Variants in RHAG observed in about 807,000 individuals in gnomAD.
RHAG encodes the protein ammonium transporter Rh type A.
Under a neutral mutation model 42.4 loss-of-function variants are expected in RHAG, and 25 were observed. That is an observed-to-expected ratio of 0.59 (90% CI 0.43 to 0.82). The LOEUF is 0.82. Among genes scored for constraint, RHAG ranks in the 40% least tolerant of loss-of-function variants. The pLI is 0.00. For synonymous variants in RHAG, 182 were observed against 177.7 expected (o/e 1.02, Z -0.19); for missense variants, 483 against 504.6 (o/e 0.96, Z 0.41).
At chr6:49,630,254 C>G (rs901739374) in intron 1 of RHAG, among the ~76,000 whole-genome samples, 2 of 152,218 alleles carry the variant, frequency 1.3e-5, no homozygotes, top group African/African-American at 2.4e-5. Flanking sequence ...GCTCTGTGTG[C>G]TCATTTGTCA....
intron 1 of RHAG, among the ~76,000 whole-genome samples, chr6:49,626,332 T>A (rs1354562978): frequency 6.6e-6 from 1 of 152,150 alleles, no homozygotes; most frequent in Non-Finnish European, 1.5e-5. Flanking sequence ...CCATTCCAAA[T>A]GGGAGAAATT....
chr6:49,611,233 T>C (rs1762564283), intron 6 of RHAG, 88 bp from the exon 7 acceptor site: 4 of 1,039,448 alleles, frequency 3.8e-6, no homozygotes, highest in Non-Finnish European at 5.9e-6. Context: ...GGCTCTATTC[T>C]TCCATGGAGA....
Position 49,606,829 on chromosome 6 carries a change from T to G in RHAG, c.1212+19A>C, listed in dbSNP as rs759047387. The G allele has an allele frequency of 1.5e-5, 23 of 1,532,220 alleles. No individual in the cohort carries two copies. The highest frequency in any genetic ancestry group is 2.0e-5 in the Non-Finnish European group (22 of 1,105,726). 94.9% of individuals were successfully genotyped at this position (1,532,220 alleles called of 1,614,324 possible). A position where few individuals can be genotyped will look rare whatever the true frequency, so the allele number is the denominator to read the frequency against. ...ATGGAGTCATCGTTCACATTCTTGT[T>G]TAGAATACTGTACAGTACCTTCCAA... is the stretch of plus-strand genomic sequence containing the variant. On this transcript the variant is annotated intron_variant, in intron 9 of 9. Transcript: ENST00000371175.
At chr6:49,623,048 C>G (rs1443673009) in intron 1 of RHAG, among the ~76,000 whole-genome samples, 1 of 151,972 alleles carries the variant, frequency 6.6e-6, no homozygotes, top group Non-Finnish European at 1.5e-5. Context: ...CCGTGTTAGC[C>G]AGGATGGTCT....
At chr6:49,607,909 GTT>G (rs1200403918) in intron 7 of RHAG, among the ~76,000 whole-genome samples, 5 of 151,900 alleles carry the variant, frequency 3.3e-5, no homozygotes, top group African/African-American at 1.2e-4. Context: ...GAAAATAAGA[GTT>G]TTTTTGGTCT....
intron 7 of RHAG, 130 bp from the exon 8 acceptor site, chr6:49,607,350 A>T (rs903899935): frequency 1.2e-4 from 89 of 735,310 alleles, no homozygotes; most frequent in Admixed American, 2.5e-4. Context: ...CAAATTAAGC[A>T]TTTGTTACAA....
At chr6:49,612,756 T>A (rs1762588420) in intron 5 of RHAG, among the ~76,000 whole-genome samples, 1 of 152,214 alleles carries the variant, frequency 6.6e-6, no homozygotes, top group Admixed American at 6.5e-5. Context: ...GAATGAGTAA[T>A]CAGCTTAACT....
In RHAG at chr6:49,618,089, G is replaced by T. The variant is rs1762684181; in HGVS notation, c.471C>A (p.Tyr157Ter). The T allele has an allele frequency of 6.2e-7, 1 of 1,613,846 alleles. No individual in the cohort carries two copies. The highest frequency in any genetic ancestry group is 8.5e-7 in the Non-Finnish European group (1 of 1,179,836). Residue 157 changes from tyrosine (Y) to a stop codon, truncating the protein, a stop_gained, in exon 3 of 10, where the codon TAC becomes TAA. Coordinates refer to ENST00000371175, the MANE Select transcript of RHAG (RefSeq NM_000324.3). LOFTEE classifies it high-confidence loss of function. The stretch of plus-strand genomic sequence containing the variant: ...TTACCTTAAATATTTCACTAACCAG[G>T]TATTCATTGTGGGCAAAGAAAACAA... The part of the protein sequence containing the change: ...LEIVFFAHNE[Y>*]LVSEIFKASD...
chr6:49,631,260 T>A (rs1762930607), intron 1 of RHAG, among the ~76,000 whole-genome samples: 1 of 152,214 alleles, frequency 6.6e-6, no homozygotes, highest in Non-Finnish European at 1.5e-5. Flanking sequence ...AACATGTGAA[T>A]GCCATGTTAT....
intron 1 of RHAG, among the ~76,000 whole-genome samples, chr6:49,633,487 T>C (rs1319464023): frequency 1.3e-5 from 2 of 152,162 alleles, no homozygotes; most frequent in Non-Finnish European, 2.9e-5. Context: ...GTCATGTACT[T>C]TCTCAGTCTA....
chr6:49,610,019 T>G (rs1212490578), intron 7 of RHAG, among the ~76,000 whole-genome samples: 1 of 150,926 alleles, frequency 6.6e-6, no homozygotes, highest in Admixed American at 6.6e-5. Flanking sequence ...AGTTGAACAG[T>G]GAGAACACAT....
At chr6:49,610,841 G>A (rs1278658026) in intron 7 of RHAG, among the ~76,000 whole-genome samples, 183 bp downstream of exon 7, 1 of 152,108 alleles carries the variant, frequency 6.6e-6, no homozygotes, top group African/African-American at 2.4e-5. Context: ...AACAATTTCA[G>A]TTAAAATGCC....
chr6:49,630,857 T>C (rs1762925021), intron 1 of RHAG, among the ~76,000 whole-genome samples: 1 of 152,216 alleles, frequency 6.6e-6, no homozygotes, highest in Non-Finnish European at 1.5e-5. Flanking sequence ...TCCCAGACTG[T>C]CTTTTTATAA....
At chr6:49,628,183 G>A (rs934915429) in intron 1 of RHAG, among the ~76,000 whole-genome samples, 6 of 151,312 alleles carry the variant, frequency 4.0e-5, no homozygotes, top group Admixed American at 3.9e-4. Context: ...GAGAGACAGG[G>A]TCTTGCTCTG....
chr6:49,619,900 G>A (rs1436467212), intron 1 of RHAG, among the ~76,000 whole-genome samples: 1 of 152,124 alleles, frequency 6.6e-6, no homozygotes, highest in Non-Finnish European at 1.5e-5. Flanking sequence ...TTCATACCTG[G>A]CTCTCTTTAA....
intron 1 of RHAG, among the ~76,000 whole-genome samples, chr6:49,631,742 CA>C (rs1351381242): frequency 1.3e-5 from 2 of 152,166 alleles, no homozygotes; most frequent in Non-Finnish European, 2.9e-5. Context: ...TTTAAGTAGG[CA>C]AAACTGTCCA....
chr6:49,605,741 G>A lies in RHAG; in HGVS notation c.*72C>T. The A allele has an allele frequency of 7.6e-7, 1 of 1,320,466 alleles. No individual in the cohort carries two copies. The highest frequency in any genetic ancestry group is 1.1e-6 in the Non-Finnish European group (1 of 912,002). The allele number at this position is 1,320,466 out of a possible 1,614,324, so 81.8% of individuals were successfully genotyped here. On this transcript the variant is annotated 3_prime_UTR_variant, in exon 10 of 10. Transcript: ENST00000371175. ...CTGGATAATGGGAAAGGAAGCTGGAGAGCAGGAATGGTGTTTAGACTTCAG... is the reference window on the plus strand; with the variant it reads ...CTGGATAATGGGAAAGGAAGCTGGAAAGCAGGAATGGTGTTTAGACTTCAG...
In RHAG at chr6:49,612,817, T is replaced by C. The variant is rs535220079; in HGVS notation, c.808-283A>G. Among the ~76,000 whole-genome samples the C allele has an allele frequency of 2.6e-5, 4 of 152,272 alleles. No individual in the cohort carries two copies. The South Asian group carries it at 8.3e-4, about 32-fold the overall frequency. On this transcript the variant is annotated intron_variant, in intron 5 of 9. Transcript: ENST00000371175. ...TTGAGAAAATCAAAAGATGTTGTAG[T>C]GGGAGGGTAGGAGTGTTTAGAGCAA...
chr6:49,634,080 A>T (rs1293225126), intron 1 of RHAG, among the ~76,000 whole-genome samples: 2 of 152,196 alleles, frequency 1.3e-5, no homozygotes, highest in East Asian at 3.8e-4. Flanking sequence ...AAATCATGTT[A>T]TTCAGGATAT....
Sources: gnomAD v4.1 joint callset for allele counts (sites outside exome capture counted in the v4.1 genomes callset) on GRCh38, gnomAD v4.1.1 for gene constraint, MANE v1.5 for transcripts, NCBI Gene and HGNC (gene_info 2026-07-23, HGNC 2026-07-21) for gene names.